The following TRIM38 variants were observed in gnomAD, a reference collection of about 807,000 sequenced individuals.
The protein encoded by TRIM38 is E3 ubiquitin-protein ligase TRIM38.
In TRIM38, 35 loss-of-function variants were observed where a neutral mutation model predicts 35.8. The ratio of observed to expected loss-of-function variants is 0.98; its 90% CI spans 0.75 to 1.30. The LOEUF (loss-of-function observed/expected upper bound fraction) is 1.30, where lower values mean the gene tolerates loss of function less well. Among genes scored for constraint, TRIM38 ranks in the 50% most tolerant of loss-of-function variants. The pLI is 0.00. For synonymous variants in TRIM38, 198 were observed against 204.7 expected (o/e 0.97, Z 0.28); for missense variants, 545 against 556.9 (o/e 0.98, Z 0.21).
At chr6:25,971,121 A>C (rs1760214713) in intron 4 of TRIM38, among the ~76,000 whole-genome samples, 1 of 152,178 alleles carries the variant, frequency 6.6e-6, no homozygotes, top group Non-Finnish European at 1.5e-5. Flanking sequence ...AATCGCTCCA[A>C]CTCAGAAATC....
rs1760664907 is a variant in TRIM38 at position 25,984,715 on chromosome 6, C to T, written c.*1028C>T. ...CCAACATGGTGAAACCCTGTCTCTACTAAAAATACAAAAATTAGCCGGGCA... is the reference window on the plus strand; with the variant it reads ...CCAACATGGTGAAACCCTGTCTCTATTAAAAATACAAAAATTAGCCGGGCA... On this transcript the variant is annotated 3_prime_UTR_variant, in exon 8 of 8. Transcript: ENST00000357085. The T allele has an allele frequency of 6.6e-6, 1 of 152,082 alleles. No homozygotes were observed. Among genetic ancestry groups the T allele is most frequent in the African/African-American group, 2.4e-5 (1 of 41,400 alleles). 9.4% of individuals were successfully genotyped at this position (152,082 alleles called of 1,614,324 possible).
intron 7 of TRIM38, chr6:25,974,027 C>T (rs909410059): frequency 8.9e-6 from 2 of 224,928 alleles, no homozygotes; most frequent in African/African-American, 4.7e-5. Flanking sequence ...TCTATTAGTA[C>T]AAACAAATTA....
intron 7 of TRIM38, among the ~76,000 whole-genome samples, chr6:25,981,276 G>A (rs1464755296): frequency 6.6e-6 from 1 of 152,216 alleles, no homozygotes; most frequent in East Asian, 1.9e-4. Context: ...CTTCCCATTG[G>A]CTGAACCAAG....
intron 7 of TRIM38, among the ~76,000 whole-genome samples, chr6:25,976,917 A>C (rs950584421): frequency 6.6e-6 from 1 of 152,138 alleles, no homozygotes; most frequent in Non-Finnish European, 1.5e-5. Context: ...TTGTGTACTT[A>C]ATTTGTGCTT....
intron 7 of TRIM38, among the ~76,000 whole-genome samples, chr6:25,979,747 T>G (rs1404700281): frequency 6.6e-6 from 1 of 151,910 alleles, no homozygotes. Context: ...ATATTTGGCT[T>G]TCTATGTTCT....
chr6:25,981,946 T>A (rs1204188619), intron 7 of TRIM38, among the ~76,000 whole-genome samples: 1 of 152,228 alleles, frequency 6.6e-6, no homozygotes, highest in Non-Finnish European at 1.5e-5. Context: ...GAAGATGATG[T>A]TGATGATATC....
rs1274237217 is a variant in TRIM38 at position 25,990,732 on chromosome 6, A to G, written c.*7045A>G. Reference sequence around the variant, plus strand: ...TTAAATAAAAATGAAAATAATCAGTATTTCAATTTAATTACTAATTATAAT... The same window carrying G: ...TTAAATAAAAATGAAAATAATCAGTGTTTCAATTTAATTACTAATTATAAT... On this transcript the variant is annotated 3_prime_UTR_variant, in exon 8 of 8. Transcript: ENST00000357085. 2 of 151,846 alleles carry G rather than the reference A, an allele frequency of 1.3e-5. No homozygotes were observed. The highest frequency in any genetic ancestry group is 4.8e-5 in the African/African-American group (2 of 41,430). 9.4% of individuals were successfully genotyped at this position (151,846 alleles called of 1,614,324 possible).
intron 2 of TRIM38, among the ~76,000 whole-genome samples, chr6:25,963,976 G>A (rs775932780): frequency 4.6e-5 from 7 of 152,046 alleles, no homozygotes; most frequent in Non-Finnish European, 8.8e-5. Flanking sequence ...GTTGGTTGTT[G>A]TTCTTTGTGG....
At position 25,985,019 on chromosome 6, in the gene TRIM38, AGTT is replaced by A. The variant is rs902915530; in HGVS notation, c.*1333_*1335del. 3 of 152,352 alleles carry A rather than the reference AGTT, an allele frequency of 2.0e-5. No individual in the cohort carries two copies. Among genetic ancestry groups the A allele is most frequent in the Non-Finnish European group, 4.4e-5 (3 of 68,052 alleles). 9.4% of individuals were successfully genotyped at this position (152,352 alleles called of 1,614,324 possible). On this transcript the variant is annotated 3_prime_UTR_variant, in exon 8 of 8. Transcript: ENST00000357085. ...ATTGCCCATGTTCCCCAGGGTCAGA[AGTT>A]CTAATTATGATGATAGAGGCTGGGT... is the stretch of plus-strand genomic sequence containing the variant.
In TRIM38 at chr6:25,990,942, G is replaced by C. The variant is rs1370232497; in HGVS notation, c.*7255G>C. On this transcript the variant is annotated 3_prime_UTR_variant, in exon 8 of 8. Transcript: ENST00000357085. ...ATTGAAATACCTTTTCTGGTTAGGA[G>C]AGTAATTCTGTTTTTCTGATAGAGA... The C allele has an allele frequency of 6.6e-6, 1 of 152,186 alleles. No homozygotes were observed. Among genetic ancestry groups the C allele is most frequent in the Non-Finnish European group, 1.5e-5 (1 of 68,038 alleles). The allele number at this position is 152,186 out of a possible 1,614,324, so 9.4% of individuals were successfully genotyped here. A position where few individuals can be genotyped will look rare whatever the true frequency, so the allele number is the denominator to read the frequency against.
chr6:25,973,204 G>T lies in TRIM38; in HGVS notation c.793G>T (p.Ala265Ser). The change falls in exon 7 of 8, where the codon GCT (alanine) becomes TCT (serine). Residue 265 changes from alanine (A) to serine (S), a missense_variant. By Grantham distance (99) the Ala-to-Ser change is moderately conservative (BLOSUM62 1). Coordinates refer to ENST00000357085, the MANE Select transcript of TRIM38 (RefSeq NM_006355.5). ...SWAVKLETSE[A>S]VSLELHTMCN... The stretch of plus-strand genomic sequence containing the variant: ...GGCTGTGAAGCTGGAAACATCAGAG[G>T]CTGTCTCCTTGGAACTTCATACTAT... 6 of 1,614,154 alleles carry T rather than the reference G, an allele frequency of 3.7e-6. No individual in the cohort carries two copies. Among genetic ancestry groups the T allele is most frequent in the Non-Finnish European group, 5.1e-6 (6 of 1,180,020 alleles).
At chr6:25,973,792 C>G in intron 7 of TRIM38, 1 of 985,388 alleles carries the variant, frequency 1.0e-6, no homozygotes, top group African/African-American at 1.7e-5. Context: ...TTAGATAACA[C>G]AGATGACAAA....
At chr6:25,978,727 C>T (rs1285457943) in intron 7 of TRIM38, among the ~76,000 whole-genome samples, 5 of 152,020 alleles carry the variant, frequency 3.3e-5, no homozygotes, top group East Asian at 1.9e-4. Flanking sequence ...AGTGCACTGG[C>T]GCAATCTCGA....
At chr6:25,966,986 C>G in intron 3 of TRIM38, 53 bp downstream of exon 3, 1 of 1,501,680 alleles carries the variant, frequency 6.7e-7, no homozygotes, top group Non-Finnish European at 8.9e-7. Context: ...ATCCTGCTCC[C>G]CAGGAGCTGA....
rs1760252621 is a variant in TRIM38, at chr6:25,972,053, T to C, written c.692T>C (p.Leu231Pro). 1 of 1,614,026 alleles carries C rather than the reference T, an allele frequency of 6.2e-7. No homozygotes were observed. The highest frequency in any genetic ancestry group is 1.1e-5 in the South Asian group (1 of 91,086). The change falls in exon 5 of 8, where the codon CTG becomes CCG. Residue 231 changes from leucine to proline, a missense_variant. Physicochemically the swap from Leu to Pro is moderately conservative, Grantham distance 98. Coordinates refer to ENST00000357085, the MANE Select transcript of TRIM38 (RefSeq NM_006355.5). ...AGCAATGAACTCAAGAGCCACATCC[T>C]GGAACTGGAGGAAAAATGTCAGGGC... ...LKSNELKSHILELEEKCQGSA... is the reference protein window; with the variant it reads ...LKSNELKSHIPELEEKCQGSA...
In TRIM38 at chr6:25,971,874, G is replaced by T. The variant is rs763147386; in HGVS notation, c.513G>T (p.Lys171Asn). 2 of 1,613,786 alleles carry T rather than the reference G, an allele frequency of 1.2e-6. No individual in the cohort carries two copies. The highest frequency in any genetic ancestry group is 1.7e-6 in the Non-Finnish European group (2 of 1,179,804). Residue 171 changes from lysine to asparagine, a missense_variant, in exon 5 of 8, where the codon AAG becomes AAT. Transcript: ENST00000357085. ...TAMRITKWKE[K>N]VQIQRQKIRS... ...CCATACTTTCTTGACTCCAGGAGAA[G>T]GTACAGATTCAGAGACAAAAAATCC... is the stretch of plus-strand genomic sequence containing the variant.
rs1256649753 is a variant in TRIM38 at position 25,983,734 on chromosome 6, T to C, written c.*47T>C. 6.7e-7 allele frequency: 1 copy of C among 1,490,452 alleles called. No individual in the cohort carries two copies. The highest frequency in any genetic ancestry group is 1.4e-5 in the African/African-American group (1 of 71,102). 92.3% of individuals were successfully genotyped at this position (1,490,452 alleles called of 1,614,324 possible). A position where few individuals can be genotyped will look rare whatever the true frequency, so the allele number is the denominator to read the frequency against. On this transcript the variant is annotated 3_prime_UTR_variant, in exon 8 of 8. Transcript: ENST00000357085. The stretch of plus-strand genomic sequence containing the variant: ...GGTTTAACCAGCACAGAGAAAATAA[T>C]ATAAATCCCATAAGGGCAGACGTTT...
At chr6:25,977,537 G>C (rs1760431029) in intron 7 of TRIM38, among the ~76,000 whole-genome samples, 1 of 152,134 alleles carries the variant, frequency 6.6e-6, no homozygotes, top group Non-Finnish European at 1.5e-5. Flanking sequence ...AGGTGTGGTG[G>C]TGTGCACTTG....
chr6:25,979,954 T>C (rs1243944979), intron 7 of TRIM38, among the ~76,000 whole-genome samples: 1 of 152,168 alleles, frequency 6.6e-6, no homozygotes, highest in Non-Finnish European at 1.5e-5. Context: ...TCCTAATATT[T>C]AGAATCTTTT....
Sources: allele counts gnomAD v4.1 joint callset (sites outside exome capture counted in the v4.1 genomes callset), GRCh38; gene constraint gnomAD v4.1.1; transcripts MANE v1.5; gene names NCBI Gene and HGNC (gene_info 2026-07-23, HGNC 2026-07-21).